The following PRKAA1 variants were observed in gnomAD, a reference collection of about 807,000 sequenced individuals.
PRKAA1 encodes the protein 5'-AMP-activated protein kinase catalytic subunit alpha-1.
Under a neutral mutation model 56.9 loss-of-function variants are expected in PRKAA1, and 23 were observed. The ratio of observed to expected loss-of-function variants is 0.40; its 90% CI spans 0.29 to 0.57. The LOEUF (loss-of-function observed/expected upper bound fraction) is 0.57, where lower values mean the gene tolerates loss of function less well. Ranked by LOEUF, PRKAA1 falls within the 20% of genes least tolerant of loss-of-function variation. The pLI, the probability that PRKAA1 is intolerant of heterozygous loss-of-function variation, is 0.39. For synonymous variants in PRKAA1, 226 were observed against 227.0 expected, an observed-to-expected ratio of 1.00 and a Z score of 0.04; for missense variants, 413 against 679.7, an observed-to-expected ratio of 0.61 and a Z score of 4.36.
chr5:40,775,128 T>C (rs568778475), intron 3 of PRKAA1, among the ~76,000 whole-genome samples: 1 of 152,332 alleles, frequency 6.6e-6, no homozygotes, highest in African/African-American at 2.4e-5. Flanking sequence ...CTGAGGATTA[T>C]GAGTTCTGGG....
Position 40,760,946 on chromosome 5 carries a change from A to G in PRKAA1, c.*1832T>C, listed in dbSNP as rs1227792345. The G allele has an allele frequency of 6.6e-6, 1 of 152,332 alleles. No homozygotes were observed. Among genetic ancestry groups the G allele is most frequent in the African/African-American group, 2.4e-5 (1 of 41,460 alleles). 9.4% of individuals were successfully genotyped at this position (152,332 alleles called of 1,614,324 possible). ...AGGCAAATATAAATGATACAATATTATCATACACGATACCAATTTTATCTG... is the reference window on the plus strand; with the variant it reads ...AGGCAAATATAAATGATACAATATTGTCATACACGATACCAATTTTATCTG... On this transcript the variant is annotated 3_prime_UTR_variant, in exon 9 of 9. Transcript: ENST00000397128.
chr5:40,777,524 G>A lies in PRKAA1; in HGVS notation c.190C>T (p.Arg64Trp), dbSNP rs369977975. Reference sequence around the variant, plus strand: ...ATTTTTCCTACCACATCAAGGCTCCGAATCTTCTGTCGATTGAGTATCTTC... The same window carrying A: ...ATTTTTCCTACCACATCAAGGCTCCAAATCTTCTGTCGATTGAGTATCTTC... ...AVKILNRQKIRSLDVVGKIRR... is the reference protein window; with the variant it reads ...AVKILNRQKIWSLDVVGKIRR... Residue 64 changes from arginine (R) to tryptophan (W), a missense_variant, in exon 2 of 9, where the codon CGG becomes TGG. By Grantham distance (101) the Arg-to-Trp change is moderately radical. This residue lies in a region of PRKAA1 where 16 missense variants were observed against 30.9 expected (regional missense o/e 0.52). Transcript: ENST00000397128. 80 of 1,613,456 alleles carry A rather than the reference G, an allele frequency of 5.0e-5. No individual in the cohort carries two copies. The highest frequency in any genetic ancestry group is 6.0e-5 in the Non-Finnish European group (71 of 1,179,518).
rs766987004 is a variant in PRKAA1 at position 40,798,136 on chromosome 5, G to A, written c.54C>T (p.His18=). The change falls in exon 1 of 9, where the codon CAC becomes CAT. Residue 18 remains histidine (H), a synonymous_variant. Transcript: ENST00000397128. ...RKMATAEKQK[H]DGRVKIGHYI... ...AGTGGCCGATCTTCACCCGCCCGTC[G>A]TGTTTCTGCTTCTCGGCTGTCGCCA... 14 of 1,600,188 alleles carry A rather than the reference G, an allele frequency of 8.7e-6. 1 individual carries two copies. The highest frequency in any genetic ancestry group is 2.2e-5 in the South Asian group (2 of 90,752).
In PRKAA1 at chr5:40,798,198, GGGAGGGGGC is replaced by G; in HGVS notation, c.-18_-10del. 10 of 1,480,354 alleles carry G rather than the reference GGGAGGGGGC, an allele frequency of 6.8e-6. No individual in the cohort carries two copies. Among genetic ancestry groups the G allele is most frequent in the South Asian group, 1.2e-5 (1 of 82,936 alleles). The allele number at this position is 1,480,354 out of a possible 1,614,324, so 91.7% of individuals were successfully genotyped here. On this transcript the variant is annotated 5_prime_UTR_variant, in exon 1 of 9. Coordinates refer to ENST00000397128, the MANE Select transcript of PRKAA1 (RefSeq NM_006251.6). ...GAACTGAGTCTGCGCATGGCGCTGC[GGGAGGGGGC>G]GGAGGGGGCGGGCAGGGCCGCGCCG...
Position 40,777,536 on chromosome 5 carries a change from G to T in PRKAA1, c.178C>A (p.Arg60=). ...GHKVAVKILN[R]QKIRSLDVVG... is the part of the protein sequence containing the mutation. ...ACATCAAGGCTCCGAATCTTCTGTC[G>T]ATTGAGTATCTTCACAGCTACTTTA... Residue 60 remains arginine, a synonymous_variant, in exon 2 of 9, where the codon CGA becomes AGA. Transcript: ENST00000397128. The T allele has an allele frequency of 1.2e-6, 2 of 1,613,486 alleles. No individual in the cohort carries two copies. Among genetic ancestry groups the T allele is most frequent in the South Asian group, 2.2e-5 (2 of 91,040 alleles).
At position 40,762,469 on chromosome 5, in the gene PRKAA1, A is replaced by C. The variant is rs139553829; in HGVS notation, c.*309T>G. On this transcript the variant is annotated 3_prime_UTR_variant, in exon 9 of 9. Coordinates refer to ENST00000397128, the MANE Select transcript of PRKAA1 (RefSeq NM_006251.6). ...TAATAATATATGAAGGCCTTTATGT[A>C]AATTAATATTTCAAAGCCCTGTGTA... The C allele has an allele frequency of 4.5e-3, 1,120 of 250,678 alleles. 9 individuals are homozygous for C. Among genetic ancestry groups the C allele is most frequent in the African/African-American group, 0.022 (968 of 44,970 alleles). The allele number at this position is 250,678 out of a possible 1,614,324, so 15.5% of individuals were successfully genotyped here.
rs147944100 is a variant in PRKAA1, at chr5:40,778,278, C to T, written c.128-692G>A. Among the ~76,000 whole-genome samples the T allele has an allele frequency of 6.0e-4, 91 of 152,214 alleles. No homozygotes were observed. In the East Asian group the frequency reaches 0.013, roughly 22 times the overall value. On this transcript the variant is annotated intron_variant, in intron 1 of 8. Coordinates refer to ENST00000397128, the MANE Select transcript of PRKAA1 (RefSeq NM_006251.6). ...AAATAAAAATAATAATATATTTAGACATATTATAAGAGTAGTCATCTAGCA... is the reference window on the plus strand; with the variant it reads ...AAATAAAAATAATAATATATTTAGATATATTATAAGAGTAGTCATCTAGCA...
chr5:40,772,223 A>T (rs1743779315), intron 3 of PRKAA1, among the ~76,000 whole-genome samples: 1 of 152,230 alleles, frequency 6.6e-6, no homozygotes, highest in Non-Finnish European at 1.5e-5. Context: ...TTCTTTTAAC[A>T]AATTACTGAA....
intron 5 of PRKAA1, among the ~76,000 whole-genome samples, chr5:40,768,079 C>G (rs1404374472): frequency 6.8e-6 from 1 of 147,878 alleles, no homozygotes; most frequent in Admixed American, 6.7e-5. Context: ...CCCAATAACA[C>G]AAGACCCCTT....
At chr5:40,771,314 T>C (rs1034586827) in intron 4 of PRKAA1, among the ~76,000 whole-genome samples, 1 of 152,186 alleles carries the variant, frequency 6.6e-6, no homozygotes, top group African/African-American at 2.4e-5. Context: ...AAGAGCAGCC[T>C]GGACAACATA....
intron 4 of PRKAA1, among the ~76,000 whole-genome samples, chr5:40,769,899 AAAC>A (rs1319300100): frequency 6.6e-6 from 1 of 151,208 alleles, no homozygotes; most frequent in East Asian, 1.9e-4. Flanking sequence ...AAAAAAAAAA[AAAC>A]AGTAATTTTG....
intron 1 of PRKAA1, among the ~76,000 whole-genome samples, chr5:40,795,196 C>T (rs961223201): frequency 3.9e-5 from 6 of 151,908 alleles, no homozygotes; most frequent in African/African-American, 1.5e-4. Context: ...TATGAGGACG[C>T]AAAGGCATAA....
At chr5:40,774,966 C>A in intron 3 of PRKAA1, 2 of 1,604,178 alleles carry the variant, frequency 1.2e-6, no homozygotes, top group South Asian at 1.1e-5. Context: ...CCAGGTACAT[C>A]AGATTTCTGA....
At chr5:40,792,968 G>A (rs1308514502) in intron 1 of PRKAA1, among the ~76,000 whole-genome samples, 1 of 151,830 alleles carries the variant, frequency 6.6e-6, no homozygotes, top group African/African-American at 2.4e-5. Context: ...TTGGGAGGCT[G>A]AGGCTGGAGA....
intron 1 of PRKAA1, among the ~76,000 whole-genome samples, chr5:40,784,483 T>C (rs755311305): frequency 1.2e-4 from 18 of 152,186 alleles, no homozygotes; most frequent in Non-Finnish European, 2.5e-4. Flanking sequence ...CAGACATATA[T>C]ACACATAACA....
Position 40,775,531 on chromosome 5 carries a change from T to C in PRKAA1, c.270-28A>G, listed in dbSNP as rs781590192. 3 of 1,443,478 alleles carry C rather than the reference T, an allele frequency of 2.1e-6. No homozygotes were observed. The Admixed American group carries it at 5.0e-5, about 24-fold the overall frequency. 89.4% of individuals were successfully genotyped at this position (1,443,478 alleles called of 1,614,324 possible). A position where few individuals can be genotyped will look rare whatever the true frequency, so the allele number is the denominator to read the frequency against. ...GGTGAGAGAAAACATTGTCTACAAA[T>C]ATTAAAACACATATATTCATTCATT... On this transcript the variant is annotated intron_variant, in intron 2 of 8. Coordinates refer to ENST00000397128, the MANE Select transcript of PRKAA1 (RefSeq NM_006251.6).
intron 5 of PRKAA1, 115 bp from the exon 6 acceptor site, chr5:40,767,805 A>G: frequency 1.2e-6 from 1 of 842,242 alleles, no homozygotes; most frequent in Non-Finnish European, 1.8e-6. Context: ...TATGGTTTTT[A>G]TAGCCACTAC....
At position 40,761,233 on chromosome 5, in the gene PRKAA1, A is replaced by G. The variant is rs1360669965; in HGVS notation, c.*1545T>C. The G allele has an allele frequency of 6.6e-6, 1 of 152,182 alleles. No individual in the cohort carries two copies. The highest frequency in any genetic ancestry group is 1.9e-4 in the East Asian group (1 of 5,206). 9.4% of individuals were successfully genotyped at this position (152,182 alleles called of 1,614,324 possible). A position where few individuals can be genotyped will look rare whatever the true frequency, so the allele number is the denominator to read the frequency against. On this transcript the variant is annotated 3_prime_UTR_variant, in exon 9 of 9. Transcript: ENST00000397128. ...GGATCCTAGTTTGAAATAATCAGCT[A>G]TAAAGAAATTTGGAGTTAACTTCAG... is the stretch of plus-strand genomic sequence containing the variant.
At chr5:40,776,047 G>T (rs1336939460) in intron 2 of PRKAA1, among the ~76,000 whole-genome samples, 1 of 152,184 alleles carries the variant, frequency 6.6e-6, no homozygotes, top group Non-Finnish European at 1.5e-5. Flanking sequence ...TACGTTTTAA[G>T]CAGTCATGTG....
Sources: allele counts gnomAD v4.1 joint callset (sites outside exome capture counted in the v4.1 genomes callset), GRCh38; gene constraint gnomAD v4.1.1; regional missense constraint gnomAD v4.1.1; transcripts MANE v1.5; gene names NCBI Gene and HGNC (gene_info 2026-07-23, HGNC 2026-07-21).